The following NDST3 variants were observed in gnomAD, a reference collection of about 807,000 sequenced individuals.
The protein encoded by NDST3 is bifunctional heparan sulfate N-deacetylase/N-sulfotransferase 3.
NDST3 carries 58 observed loss-of-function variants against 96.1 expected under a neutral mutation model. That is an observed-to-expected ratio of 0.60 (90% CI 0.49 to 0.75). The LOEUF is 0.75. Among genes scored for constraint, NDST3 ranks in the 30% least tolerant of loss-of-function variants. The probability of loss-of-function intolerance (pLI) is 0.00; values close to 1 mark genes in which losing one functional copy is unlikely to be tolerated. For missense variants in NDST3, 788 were observed against 1,034.2 expected (o/e 0.76, Z 3.27); for synonymous variants, 333 against 359.7 (o/e 0.93, Z 0.84).
At chr4:118,198,267 G>A (rs865939870) in intron 6 of NDST3, among the ~76,000 whole-genome samples, 8 of 151,860 alleles carry the variant, frequency 5.3e-5, no homozygotes, top group Non-Finnish European at 8.8e-5. Context: ...TTCTTTTTGC[G>A]AAGGTAATTT....
At chr4:118,205,133 CTCTAGAG>C (rs1308702985) in intron 6 of NDST3, among the ~76,000 whole-genome samples, 1 of 143,804 alleles carries the variant, frequency 7.0e-6, no homozygotes. Flanking sequence ...CCTAACATTT[CTCTAGAG>C]TTGAGCAGGC....
At chr4:118,135,162 T>C (rs1732969739) in intron 4 of NDST3, among the ~76,000 whole-genome samples, 1 of 152,196 alleles carries the variant, frequency 6.6e-6, no homozygotes, top group African/African-American at 2.4e-5. Context: ...TCTTCTAAAA[T>C]GAATTTAAAA....
At chr4:118,144,460 G>A (rs141666539) in intron 6 of NDST3, among the ~76,000 whole-genome samples, 2,127 of 152,240 alleles carry the variant, frequency 0.014, 50 homozygotes, top group African/African-American at 0.048. Flanking sequence ...GATTACAGGC[G>A]TGAGCCACCA....
At chr4:118,074,428 T>C (rs1460665933) in intron 2 of NDST3, among the ~76,000 whole-genome samples, 1 of 152,218 alleles carries the variant, frequency 6.6e-6, no homozygotes. Flanking sequence ...CTGGGTGCTC[T>C]ACTGTTAGAT....
At chr4:118,068,939 T>C (rs1360661881) in intron 2 of NDST3, among the ~76,000 whole-genome samples, 1 of 152,142 alleles carries the variant, frequency 6.6e-6, no homozygotes, top group Non-Finnish European at 1.5e-5. Flanking sequence ...GATAATATTT[T>C]GGCAAATATG....
At chr4:118,108,154 G>C (rs574044509) in intron 3 of NDST3, among the ~76,000 whole-genome samples, 403 of 152,278 alleles carry the variant, frequency 2.6e-3, no homozygotes, top group Non-Finnish European at 5.0e-3. Flanking sequence ...CCTCCCCCAT[G>C]ATTCAATTAT....
chr4:118,069,400 G>C (rs961039991), intron 2 of NDST3, among the ~76,000 whole-genome samples: 3 of 152,016 alleles, frequency 2.0e-5, no homozygotes, highest in African/African-American at 7.2e-5. Flanking sequence ...AAGTAATTTT[G>C]AATGAAGAAA....
intron 2 of NDST3, among the ~76,000 whole-genome samples, chr4:118,071,380 A>C (rs1170079064): frequency 6.6e-6 from 1 of 152,068 alleles, no homozygotes. Context: ...CATAATACCC[A>C]ATAGTTAGTT....
intron 6 of NDST3, among the ~76,000 whole-genome samples, chr4:118,181,892 A>G (rs1736631390): frequency 6.6e-6 from 1 of 152,168 alleles, no homozygotes; most frequent in South Asian, 2.1e-4. Context: ...CAAATAAAAT[A>G]AACCAAAATT....
Position 118,220,887 on chromosome 4 carries a change from T to C in NDST3, c.1540-3604T>C, listed in dbSNP as rs57611363. ...AAAAGGACTACTACAAAGCAACCAA[T>C]GGGTTTGATAACCTGAGTTAGATCT... is the stretch of plus-strand genomic sequence containing the variant. On this transcript the variant is annotated intron_variant, in intron 6 of 13. Transcript: ENST00000296499. Among the ~76,000 whole-genome samples, 486 of 152,176 alleles carry C rather than the reference T, an allele frequency of 3.2e-3. 1 individual carries two copies. Among genetic ancestry groups the C allele is most frequent in the African/African-American group, 0.011 (455 of 41,554 alleles).
intron 6 of NDST3, among the ~76,000 whole-genome samples, chr4:118,154,057 TCA>T (rs929057126): frequency 1.3e-5 from 2 of 152,038 alleles, no homozygotes; most frequent in Non-Finnish European, 2.9e-5. Context: ...ACCAGAAACT[TCA>T]TACACATGTA....
At chr4:118,044,735 A>G (rs1362740776) in intron 1 of NDST3, among the ~76,000 whole-genome samples, 2 of 152,202 alleles carry the variant, frequency 1.3e-5, no homozygotes, top group Non-Finnish European at 2.9e-5. Context: ...TGGAAGTCTA[A>G]GAGCATGGTG....
chr4:118,092,169 C>T (rs572449969), intron 2 of NDST3, among the ~76,000 whole-genome samples: 3 of 150,232 alleles, frequency 2.0e-5, no homozygotes, highest in African/African-American at 7.3e-5. Flanking sequence ...CCCATTAACT[C>T]GTCATTTACA....
chr4:118,161,965 G>A (rs200969797), intron 6 of NDST3, among the ~76,000 whole-genome samples: 13 of 152,116 alleles, frequency 8.5e-5, no homozygotes, highest in South Asian at 6.2e-4. Context: ...CTTCTGCATC[G>A]CTCACGCTGG....
intron 2 of NDST3, among the ~76,000 whole-genome samples, chr4:118,084,228 CA>C (rs369630539): frequency 3.3e-4 from 48 of 145,618 alleles, no homozygotes; most frequent in East Asian, 4.0e-4. Flanking sequence ...GCTATAAAAA[CA>C]AAAAAAAAAT....
chr4:118,162,227 C>A (rs1735208035), intron 6 of NDST3, among the ~76,000 whole-genome samples: 1 of 152,124 alleles, frequency 6.6e-6, no homozygotes, highest in African/African-American at 2.4e-5. Flanking sequence ...CAATGACTTT[C>A]TTCACAGAAT....
intron 6 of NDST3, among the ~76,000 whole-genome samples, chr4:118,192,205 T>A (rs1189588813): frequency 6.6e-6 from 1 of 152,212 alleles, no homozygotes; most frequent in African/African-American, 2.4e-5. Flanking sequence ...AGATGGGGAG[T>A]TTACAAATAT....
intron 12 of NDST3, among the ~76,000 whole-genome samples, chr4:118,253,050 T>A (rs1283543707): frequency 6.6e-6 from 1 of 152,236 alleles, no homozygotes; most frequent in Non-Finnish European, 1.5e-5. Flanking sequence ...AAACCTTTTC[T>A]CTTCTATTAC....
chr4:118,107,153 A>G (rs1397814017), intron 3 of NDST3, among the ~76,000 whole-genome samples: 1 of 152,192 alleles, frequency 6.6e-6, no homozygotes, highest in African/African-American at 2.4e-5. Context: ...TATTGAAAAG[A>G]CCATCCTTTC....
Sources: gnomAD v4.1 joint callset for allele counts (sites outside exome capture counted in the v4.1 genomes callset) on GRCh38, gnomAD v4.1.1 for gene constraint, MANE v1.5 for transcripts, NCBI Gene and HGNC (gene_info 2026-07-23, HGNC 2026-07-21) for gene names.